Variants in RRP1B observed in about 807,000 individuals in gnomAD.
RRP1B encodes ribosomal RNA processing protein 1 homolog B.
Under a neutral mutation model 80.2 loss-of-function variants are expected in RRP1B, and 56 were observed. The observed-to-expected ratio is 0.70, with a 90% CI of 0.56 to 0.87. RRP1B has a LOEUF of 0.87. Among genes scored for constraint, RRP1B ranks in the 40% least tolerant of loss-of-function variants. The pLI is 0.00. For missense variants in RRP1B, 807 were observed against 939.8 expected (o/e 0.86, Z 1.85); for synonymous variants, 351 against 357.6 (o/e 0.98, Z 0.21).
chr21:43,674,021 A>C (rs2083010954), intron 4 of RRP1B, 66 bp downstream of exon 4: 1 of 1,203,956 alleles, frequency 8.3e-7, no homozygotes, highest in African/African-American at 1.5e-5. Flanking sequence ...TCTTAAAAAC[A>C]ATGGGAAGGT....
chr21:43,694,554 C>T lies in RRP1B; in HGVS notation c.*1171C>T, dbSNP rs2083099971. ...GAGAGCCGCCAAGGCTGCTCGCCTT[C>T]TCCGTGGCTTCCGCAGCTACCGTCT... On this transcript the variant is annotated 3_prime_UTR_variant, in exon 16 of 16. Coordinates refer to ENST00000340648, the MANE Select transcript of RRP1B (RefSeq NM_015056.3). The T allele has an allele frequency of 6.6e-6, 1 of 152,282 alleles. No individual in the cohort carries two copies. Among genetic ancestry groups the T allele is most frequent in the Non-Finnish European group, 1.5e-5 (1 of 68,068 alleles). The allele number at this position is 152,282 out of a possible 1,614,324, so 9.4% of individuals were successfully genotyped here.
At position 43,691,732 on chromosome 21, in the gene RRP1B, C is replaced by CA. The variant is rs914455789; in HGVS notation, c.2083+231dup. Among the ~76,000 whole-genome samples the CA allele has an allele frequency of 6.0e-4, 91 of 151,904 alleles. 2 individuals are homozygous for CA. The highest frequency in any genetic ancestry group is 2.1e-3 in the African/African-American group (85 of 41,412). On this transcript the variant is annotated intron_variant, in intron 15 of 15. Coordinates refer to ENST00000340648, the MANE Select transcript of RRP1B (RefSeq NM_015056.3). This position sits in a 1 kb window ranked among gnomAD's most constrained non-coding sequence, Gnocchi z 4.2. ...TGGCTCACTGCAACCTCCGCCCCCC[C>CA]AGGTTCAAGCGATTCTCCTGCCTCA...
In RRP1B at chr21:43,693,490, T is replaced by TTG; in HGVS notation, c.*112_*113dup. The TTG allele has an allele frequency of 8.4e-7, 1 of 1,186,452 alleles. No homozygotes were observed. Among genetic ancestry groups the TTG allele is most frequent in the East Asian group, 2.7e-5 (1 of 36,962 alleles). The allele number at this position is 1,186,452 out of a possible 1,614,324, so 73.5% of individuals were successfully genotyped here. Reference sequence around the variant, plus strand: ...TTATGATTTTGTAAGTTCCCATAAGTTGTGTGCACGAGGTTCTGAGAGTGC... The same window carrying TTG: ...TTATGATTTTGTAAGTTCCCATAAGTTGTGTGTGCACGAGGTTCTGAGAGTGC... On this transcript the variant is annotated 3_prime_UTR_variant, in exon 16 of 16. Coordinates refer to ENST00000340648, the MANE Select transcript of RRP1B (RefSeq NM_015056.3). The surrounding 1 kb of genome is among the most constrained non-coding windows in gnomAD (Gnocchi z 4.1).
chr21:43,690,117 C>T (rs1264535177), intron 13 of RRP1B, among the ~76,000 whole-genome samples, 171 bp from the exon 14 acceptor site: 1 of 152,260 alleles, frequency 6.6e-6, no homozygotes, highest in Admixed American at 6.5e-5. Context: ...GTGCGTGAAG[C>T]CTGAGCTCTG....
chr21:43,667,129 C>T (rs1265190871), intron 1 of RRP1B, among the ~76,000 whole-genome samples: 2 of 152,034 alleles, frequency 1.3e-5, no homozygotes, highest in Non-Finnish European at 2.9e-5. Flanking sequence ...GCATCTGATG[C>T]GTGATTATTG....
intron 1 of RRP1B, among the ~76,000 whole-genome samples, chr21:43,668,716 A>C (rs980400196): frequency 6.6e-6 from 1 of 152,036 alleles, no homozygotes; most frequent in Non-Finnish European, 1.5e-5. Flanking sequence ...GATCACATTG[A>C]TTCTAAATAT....
chr21:43,689,882 C>CCTG (rs1167889199), intron 13 of RRP1B, among the ~76,000 whole-genome samples: 1 of 152,272 alleles, frequency 6.6e-6, no homozygotes. Context: ...GTGTCCTGGG[C>CCTG]CTGCCTGTGA....
intron 9 of RRP1B, 99 bp downstream of exon 9, chr21:43,683,472 G>T (rs1029894654): frequency 8.6e-6 from 7 of 816,534 alleles, no homozygotes; most frequent in African/African-American, 1.7e-5. Flanking sequence ...AAGGCCTGAA[G>T]CGTAAACTCC....
intron 13 of RRP1B, among the ~76,000 whole-genome samples, chr21:43,689,707 G>A (rs1487326547): frequency 1.3e-5 from 2 of 152,228 alleles, no homozygotes; most frequent in Non-Finnish European, 2.9e-5. Context: ...CAGGGAAGGC[G>A]CACAGGAGAA....
At chr21:43,671,385 T>A (rs2082998739) in intron 2 of RRP1B, among the ~76,000 whole-genome samples, 2 of 151,364 alleles carry the variant, frequency 1.3e-5, no homozygotes, top group South Asian at 4.2e-4. Flanking sequence ...TTTTTTTTTT[T>A]TACAGAGTTT....
At chr21:43,671,826 C>A (rs891872960) in intron 2 of RRP1B, among the ~76,000 whole-genome samples, 1 of 152,144 alleles carries the variant, frequency 6.6e-6, no homozygotes, top group South Asian at 2.1e-4. Context: ...GCTGGAACTA[C>A]AGGCACACGC....
At position 43,676,841 on chromosome 21, in the gene RRP1B, T is replaced by A; in HGVS notation, c.723T>A (p.Asp241Glu). The A allele has an allele frequency of 1.2e-6, 2 of 1,614,214 alleles. No individual in the cohort carries two copies. The highest frequency in any genetic ancestry group is 1.7e-6 in the Non-Finnish European group (2 of 1,180,030). Residue 241 changes from aspartate (D) to glutamate (E), a missense_variant, in exon 8 of 16, where the codon GAT becomes GAA. Physicochemically the swap from Asp to Glu is conservative, Grantham distance 45 (BLOSUM62 2). Coordinates refer to ENST00000340648, the MANE Select transcript of RRP1B (RefSeq NM_015056.3). Reference protein sequence around the residue: ...TMEEQKTKVGDGDLSAEEIPE... With the variant: ...TMEEQKTKVGEGDLSAEEIPE... The stretch of plus-strand genomic sequence containing the variant: ...AGGAACAGAAGACAAAAGTGGGTGA[T>A]GGTGACCTCTCTGCTGAGGAGATAC...
chr21:43,685,709 G>T, intron 10 of RRP1B, 61 bp from the exon 11 acceptor site: 2 of 1,231,526 alleles, frequency 1.6e-6, no homozygotes, highest in Non-Finnish European at 2.2e-6. Context: ...AAGACAGAAG[G>T]GATTTCTTTA....
chr21:43,689,150 C>G (rs192483320), intron 13 of RRP1B, among the ~76,000 whole-genome samples: 1 of 152,370 alleles, frequency 6.6e-6, no homozygotes, highest in Admixed American at 6.5e-5. Flanking sequence ...GTCACTGCAA[C>G]AGAGCCACAT....
intron 8 of RRP1B, among the ~76,000 whole-genome samples, chr21:43,681,992 T>C (rs2083045461): frequency 6.6e-6 from 1 of 151,706 alleles, no homozygotes; most frequent in Admixed American, 6.6e-5. Context: ...CTAGTCTAGG[T>C]GTGGAGACTC....
chr21:43,674,538 T>G lies in RRP1B; in HGVS notation c.358-98T>G, dbSNP rs901790440. The G allele has an allele frequency of 1.1e-5, 10 of 876,450 alleles. No individual in the cohort carries two copies. The African/African-American group carries it at 1.7e-4, about 15-fold the overall frequency. The allele number at this position is 876,450 out of a possible 1,614,324, so 54.3% of individuals were successfully genotyped here. ...TTTTGGGATCCAGGCCATAACAATT[T>G]CATTGGTCCCTTCATTCTGCTGAGC... On this transcript the variant is annotated intron_variant, in intron 4 of 15. Transcript: ENST00000340648.
At chr21:43,677,796 A>G (rs2083028467) in intron 8 of RRP1B, among the ~76,000 whole-genome samples, 1 of 152,256 alleles carries the variant, frequency 6.6e-6, no homozygotes, top group African/African-American at 2.4e-5. Flanking sequence ...ACTTAGAATA[A>G]TGGTCTCCAA....
chr21:43,662,231 C>CG (rs904123752), intron 1 of RRP1B, among the ~76,000 whole-genome samples: 2 of 152,108 alleles, frequency 1.3e-5, no homozygotes, highest in Admixed American at 1.3e-4. Flanking sequence ...AGAGGTTATG[C>CG]GGGGGCCTAA....
At position 43,687,648 on chromosome 21, in the gene RRP1B, A is replaced by C. The variant is rs2083068836; in HGVS notation, c.1274A>C (p.Gln425Pro). The change falls in exon 13 of 16, where the codon CAG (glutamine) becomes CCG (proline). Residue 425 changes from glutamine (Q) to proline (P), a missense_variant. By Grantham distance (76) the Gln-to-Pro change is moderately conservative. Transcript: ENST00000340648. The stretch of plus-strand genomic sequence containing the variant: ...GGGGGTGCAGCCCCATCCCTGGAAC[A>C]GAACCGGGGCAGGGAGCCCGAGGCC... Reference protein sequence around the residue: ...GPGGAAPSLEQNRGREPEASG... With the variant: ...GPGGAAPSLEPNRGREPEASG... 6.4e-7 allele frequency: 1 copy of C among 1,574,642 alleles called. No individual in the cohort carries two copies. Among genetic ancestry groups the C allele is most frequent in the Admixed American group, 1.8e-5 (1 of 54,502 alleles).
Sources: gnomAD v4.1 joint callset for allele counts (sites outside exome capture counted in the v4.1 genomes callset) on GRCh38, gnomAD v4.1.1 for gene constraint, Gnocchi (gnomAD v3.1) non-coding constraint, MANE v1.5 for transcripts, NCBI Gene and HGNC (gene_info 2026-07-23, HGNC 2026-07-21) for gene names.